HMGCLL1: variants seen among roughly 807,000 people sequenced by gnomAD.
HMGCLL1 encodes 3-hydroxymethyl-3-methylglutaryl-CoA lyase, cytoplasmic.
Under a neutral mutation model 39.1 loss-of-function variants are expected in HMGCLL1, and 36 were observed. That is an observed-to-expected ratio of 0.92 (90% CI 0.71 to 1.22). The LOEUF (loss-of-function observed/expected upper bound fraction) is 1.22, where lower values mean the gene tolerates loss of function less well. HMGCLL1 is among the 50% of genes most tolerant of loss of function. The probability of loss-of-function intolerance (pLI) is 0.00; values close to 1 mark genes in which losing one functional copy is unlikely to be tolerated. For missense variants in HMGCLL1, 451 were observed against 416.5 expected, an observed-to-expected ratio of 1.08 and a Z score of -0.72; for synonymous variants, 149 against 144.0, an observed-to-expected ratio of 1.03 and a Z score of -0.25.
intron 7 of HMGCLL1, among the ~76,000 whole-genome samples, chr6:55,469,374 T>C (rs1393588604): frequency 5.4e-5 from 8 of 147,236 alleles, no homozygotes; most frequent in South Asian, 2.1e-4. Flanking sequence ...TATGTACACA[T>C]ACATATATAC....
intron 7 of HMGCLL1, among the ~76,000 whole-genome samples, chr6:55,457,177 C>G (rs1270059592): frequency 1.3e-5 from 2 of 152,046 alleles, no homozygotes; most frequent in African/African-American, 4.8e-5. Context: ...TATTTTCTAC[C>G]AAACTCTTAT....
chr6:55,677,456 T>G, the HMGCLL1 span, among the ~76,000 whole-genome samples: 1 of 152,238 alleles, frequency 6.6e-6, no homozygotes, highest in African/African-American at 2.4e-5. Flanking sequence ...AGGAGAAATT[T>G]ACTTCATTAC....
chr6:55,651,430 C>G, the HMGCLL1 span, among the ~76,000 whole-genome samples: 1 of 152,068 alleles, frequency 6.6e-6, no homozygotes, highest in South Asian at 2.1e-4. Context: ...TATGCCTTAT[C>G]CTACTGTCAC....
chr6:55,613,712 G>A, the HMGCLL1 span, among the ~76,000 whole-genome samples: 1 of 152,102 alleles, frequency 6.6e-6, no homozygotes, highest in South Asian at 2.1e-4. Context: ...TCACTCATAA[G>A]TGGGAACCAA....
chr6:55,524,770 C>T (rs1768227817), intron 3 of HMGCLL1, among the ~76,000 whole-genome samples: 1 of 151,724 alleles, frequency 6.6e-6, no homozygotes, highest in Admixed American at 6.6e-5. Context: ...AATGATTGTC[C>T]CTTGGAAAAT....
Position 55,514,158 on chromosome 6 carries a change from A to G in HMGCLL1, c.432T>C (p.Ala144=). The G allele has an allele frequency of 6.2e-7, 1 of 1,611,800 alleles. No individual in the cohort carries two copies. Among genetic ancestry groups the G allele is most frequent in the African/African-American group, 1.3e-5 (1 of 74,976 alleles). ...TCTTCTTGCTAAAGGATTCAGATGC[A>G]GCTCCAAAAACTGATATCTCAGTAG... The part of the protein sequence containing the change: ...AGATEISVFG[A]ASESFSKKNI... The change falls in exon 5 of 9, where the codon GCT becomes GCC. Residue 144 remains alanine (A), a synonymous_variant. Transcript: ENST00000274901.
At chr6:55,563,982 A>G (rs4398739) in intron 1 of HMGCLL1, 83,233 of 709,844 alleles carry the variant, frequency 0.12, 5,186 homozygotes, top group East Asian at 0.2. Context: ...CTCAACATTC[A>G]GCACGTGCAG....
At chr6:55,449,318 T>C (rs927613892) in intron 7 of HMGCLL1, among the ~76,000 whole-genome samples, 2 of 152,276 alleles carry the variant, frequency 1.3e-5, no homozygotes, top group East Asian at 3.9e-4. Flanking sequence ...AAACCAGTCT[T>C]CTTAGAGACT....
chr6:55,583,856 T>C (rs1561976728), upstream of HMGCLL1, among the ~76,000 whole-genome samples: 1 of 152,176 alleles, frequency 6.6e-6, no homozygotes, highest in Non-Finnish European at 1.5e-5. Context: ...CTCATAACGA[T>C]ATAATAAATA....
rs376758734 is a variant in HMGCLL1, at chr6:55,575,993, C to T, written c.108+2955G>A. ...GAAAACATTAATTCATTTGTTCATTCAAAAAGTATTATTGGCCATAAAAAA... is the reference window on the plus strand; with the variant it reads ...GAAAACATTAATTCATTTGTTCATTTAAAAAGTATTATTGGCCATAAAAAA... On this transcript the variant is annotated intron_variant, in intron 1 of 8. Coordinates refer to ENST00000274901, the MANE Select transcript of HMGCLL1 (RefSeq NM_001042406.2). 2.5e-4 allele frequency among the ~76,000 whole-genome samples: 38 copies of T among 152,134 alleles called. No individual in the cohort carries two copies. The South Asian group carries it at 7.3e-3, about 29-fold the overall frequency.
intron 7 of HMGCLL1, among the ~76,000 whole-genome samples, chr6:55,463,511 GT>G (rs1180455112): frequency 6.6e-6 from 1 of 152,098 alleles, no homozygotes; most frequent in African/African-American, 2.4e-5. Flanking sequence ...TTCCAGAAAA[GT>G]TATTCTAAAA....
At chr6:55,579,678 C>T (rs894327943), upstream of HMGCLL1, among the ~76,000 whole-genome samples, 2 of 152,176 alleles carry the variant, frequency 1.3e-5, no homozygotes, top group African/African-American at 4.8e-5. Flanking sequence ...GTCAGAGGTA[C>T]TCTCAGAGGT....
At chr6:55,482,857 G>A (rs1376905074) in intron 7 of HMGCLL1, among the ~76,000 whole-genome samples, 1 of 151,772 alleles carries the variant, frequency 6.6e-6, no homozygotes, top group Non-Finnish European at 1.5e-5. Context: ...ATTTTTCAAG[G>A]TATTCATATG....
the HMGCLL1 span, among the ~76,000 whole-genome samples, chr6:55,637,432 G>C: frequency 7.5e-6 from 1 of 132,566 alleles, no homozygotes; most frequent in East Asian, 2.3e-4. Context: ...TCATGTTCAC[G>C]AAAAATTGGT....
intron 1 of HMGCLL1, among the ~76,000 whole-genome samples, chr6:55,571,404 T>C (rs1454368340): frequency 6.6e-6 from 1 of 152,164 alleles, no homozygotes; most frequent in African/African-American, 2.4e-5. Context: ...ATAGTACTGA[T>C]TTAAATATAA....
At chr6:55,453,452 C>T (rs748270029) in intron 7 of HMGCLL1, among the ~76,000 whole-genome samples, 2 of 152,136 alleles carry the variant, frequency 1.3e-5, no homozygotes, top group Non-Finnish European at 2.9e-5. Context: ...CGTGAGCCAC[C>T]GCGCCTGGCC....
At chr6:55,613,495 G>A in the HMGCLL1 span, among the ~76,000 whole-genome samples, 20 of 152,142 alleles carry the variant, frequency 1.3e-4, no homozygotes, top group East Asian at 1.9e-4. Context: ...ACATGCACAC[G>A]TATGTTTATT....
At chr6:55,586,499 C>T in the HMGCLL1 span, among the ~76,000 whole-genome samples, 1 of 151,730 alleles carries the variant, frequency 6.6e-6, no homozygotes, top group Non-Finnish European at 1.5e-5. Context: ...CACCCAATAA[C>T]TCATCATTTA....
At chr6:55,512,549 G>C (rs1025386023) in intron 5 of HMGCLL1, 4 of 152,020 alleles carry the variant, frequency 2.6e-5, no homozygotes, top group African/African-American at 7.2e-5. Context: ...AATTACAAAA[G>C]TAATTTCAAA....
Sources: allele counts gnomAD v4.1 joint callset (sites outside exome capture counted in the v4.1 genomes callset), GRCh38; gene constraint gnomAD v4.1.1; transcripts MANE v1.5; gene names NCBI Gene and HGNC (gene_info 2026-07-23, HGNC 2026-07-21).